Variants in EVI5 observed in about 807,000 individuals in gnomAD.
EVI5 encodes the protein ecotropic viral integration site 5 protein homolog.
Under a neutral mutation model 112.0 loss-of-function variants are expected in EVI5, and 73 were observed. The observed-to-expected ratio is 0.65, with a 90% CI of 0.54 to 0.79. The LOEUF (loss-of-function observed/expected upper bound fraction) is 0.79. EVI5 is among the 30% of genes least tolerant of loss of function. The pLI is 0.00. For synonymous variants in EVI5, 305 were observed against 319.9 expected (o/e 0.95, Z 0.50); for missense variants, 900 against 968.8 (o/e 0.93, Z 0.94).
intron 1 of EVI5, among the ~76,000 whole-genome samples, chr1:92,745,336 C>T (rs912119487): frequency 1.3e-5 from 2 of 152,106 alleles, no homozygotes; most frequent in African/African-American, 4.8e-5. Flanking sequence ...TGTCATGTTT[C>T]TCTTCACTTC....
chr1:92,724,158 A>AC (rs1224121835), intron 2 of EVI5, among the ~76,000 whole-genome samples: 1 of 150,760 alleles, frequency 6.6e-6, no homozygotes. Flanking sequence ...TCCCTGTTCC[A>AC]CCCCCTCCCC....
chr1:92,755,122 C>T (rs1680753379), intron 1 of EVI5, among the ~76,000 whole-genome samples: 1 of 129,738 alleles, frequency 7.7e-6, no homozygotes, highest in Admixed American at 9.1e-5. Context: ...AAAACTGATG[C>T]TTTGGGCCAG....
At chr1:92,675,974 A>G (rs1226114706) in intron 10 of EVI5, among the ~76,000 whole-genome samples, 1 of 151,684 alleles carries the variant, frequency 6.6e-6, no homozygotes, top group Non-Finnish European at 1.5e-5. Context: ...AAAAAAAGAA[A>G]AAGAAAAAAA....
intron 10 of EVI5, among the ~76,000 whole-genome samples, chr1:92,673,051 T>C (rs544192900): frequency 6.6e-6 from 1 of 152,274 alleles, no homozygotes; most frequent in Non-Finnish European, 1.5e-5. Context: ...AATAATGCTG[T>C]TTTAAGAATA....
At chr1:92,657,540 G>C (rs1663216646) in intron 13 of EVI5, among the ~76,000 whole-genome samples, 1 of 152,042 alleles carries the variant, frequency 6.6e-6, no homozygotes, top group Non-Finnish European at 1.5e-5. Flanking sequence ...GTGTGTGCTT[G>C]TAGTCCCAGC....
intron 1 of EVI5, among the ~76,000 whole-genome samples, chr1:92,748,486 T>G (rs1679661123): frequency 6.6e-6 from 1 of 152,202 alleles, no homozygotes; most frequent in South Asian, 2.1e-4. Flanking sequence ...ACCCACAGAA[T>G]CTAAGCACAT....
At chr1:92,660,774 A>G (rs773701141) in intron 13 of EVI5, among the ~76,000 whole-genome samples, 15 of 152,050 alleles carry the variant, frequency 9.9e-5, no homozygotes, top group Non-Finnish European at 2.1e-4. Context: ...AGGTAAAACT[A>G]TAGTGAAAGA....
rs1206346041 is a variant in EVI5, at chr1:92,737,716, TTC to T, written c.-81-1091_-81-1090del. On this transcript the variant is annotated intron_variant, in intron 1 of 19. Coordinates refer to ENST00000684568, the MANE Select transcript of EVI5 (RefSeq NM_001350197.2). The stretch of plus-strand genomic sequence containing the variant: ...CTGCCCTCAATATATACATGGCTTT[TTC>T]TCTGTCTCCACTTCCTCCACTTCAA... Among the ~76,000 whole-genome samples the T allele has an allele frequency of 2.0e-4, 31 of 152,292 alleles. 1 individual carries two copies. Among genetic ancestry groups the T allele is most frequent in the African/African-American group, 7.0e-4 (29 of 41,558 alleles).
intron 2 of EVI5, among the ~76,000 whole-genome samples, chr1:92,711,309 T>C (rs116487074): frequency 0.016 from 2,508 of 152,268 alleles, 44 homozygotes; most frequent in Non-Finnish European, 0.022. Context: ...CTGAAAACAG[T>C]TGATATTAAA....
intron 19 of EVI5, among the ~76,000 whole-genome samples, chr1:92,526,944 T>C (rs1173874575): frequency 6.6e-6 from 1 of 152,192 alleles, no homozygotes; most frequent in Non-Finnish European, 1.5e-5. Flanking sequence ...GCAGAAGGTG[T>C]TGAAGGGGCA....
At chr1:92,689,111 T>A (rs984061238) in intron 9 of EVI5, among the ~76,000 whole-genome samples, 6 of 152,068 alleles carry the variant, frequency 3.9e-5, no homozygotes, top group Admixed American at 2.0e-4. Flanking sequence ...TTATTAACAA[T>A]CAAGGAAATG....
At chr1:92,726,172 T>C (rs1675541402) in intron 2 of EVI5, among the ~76,000 whole-genome samples, 1 of 152,134 alleles carries the variant, frequency 6.6e-6, no homozygotes, top group African/African-American at 2.4e-5. Context: ...CTCCAAAATT[T>C]CCACATTTGA....
intron 18 of EVI5, among the ~76,000 whole-genome samples, chr1:92,588,859 C>T (rs1673226626): frequency 6.6e-6 from 1 of 152,144 alleles, no homozygotes; most frequent in Non-Finnish European, 1.5e-5. Context: ...TAAACTATTA[C>T]ATACAAATTA....
In EVI5 at chr1:92,790,451, C is replaced by T. The variant is rs543840840; in HGVS notation, c.51+1893G>A. Among the ~76,000 whole-genome samples the T allele has an allele frequency of 1.7e-3, 251 of 151,570 alleles. 1 individual carries two copies. The highest frequency in any genetic ancestry group is 5.4e-3 in the African/African-American group (223 of 41,296). On this transcript the variant is annotated intron_variant, in intron 1 of 17. Transcript: ENST00000370331. ...ACTCATCAGAAAGTCCTATTGGTAG[C>T]ACTATTAAAGAAAAAGGAGACATAA...
At chr1:92,528,000 AT>A (rs1223109578) in intron 19 of EVI5, among the ~76,000 whole-genome samples, 1 of 152,196 alleles carries the variant, frequency 6.6e-6, no homozygotes, top group Non-Finnish European at 1.5e-5. Context: ...AATAAAGAAG[AT>A]TTAGTAAATA....
At chr1:92,519,695 C>T (rs1325765135) in intron 19 of EVI5, among the ~76,000 whole-genome samples, 1 of 151,772 alleles carries the variant, frequency 6.6e-6, no homozygotes, top group Non-Finnish European at 1.5e-5. Flanking sequence ...TACTTCGAGA[C>T]CAGCCTGGCC....
At chr1:92,587,206 T>C (rs1672945217) in intron 18 of EVI5, among the ~76,000 whole-genome samples, 1 of 152,132 alleles carries the variant, frequency 6.6e-6, no homozygotes, top group South Asian at 2.1e-4. Context: ...GCAAGCTAGG[T>C]AAAGCAGTCT....
chr1:92,629,064 C>CA (rs918977411), intron 14 of EVI5, among the ~76,000 whole-genome samples: 11 of 152,176 alleles, frequency 7.2e-5, no homozygotes, highest in Admixed American at 1.3e-4. Flanking sequence ...ATCAAATATT[C>CA]AAAATCTTTC....
chr1:92,549,385 T>C lies in EVI5; in HGVS notation c.2166+14257A>G, dbSNP rs1398792106. On this transcript the variant is annotated intron_variant, in intron 19 of 19. Coordinates refer to ENST00000684568, the MANE Select transcript of EVI5 (RefSeq NM_001350197.2). ...AAGACTTAAATGTTAGACCTAAAACTATAAAAACCCTAGAAGAAAACCTAG... is the reference window on the plus strand; with the variant it reads ...AAGACTTAAATGTTAGACCTAAAACCATAAAAACCCTAGAAGAAAACCTAG... 3.9e-5 allele frequency among the ~76,000 whole-genome samples: 6 copies of C among 152,098 alleles called. No individual in the cohort carries two copies. The South Asian group carries it at 8.3e-4, about 21-fold the overall frequency.
Sources: gnomAD v4.1 joint callset for allele counts (sites outside exome capture counted in the v4.1 genomes callset) on GRCh38, gnomAD v4.1.1 for gene constraint, MANE v1.5 for transcripts, NCBI Gene and HGNC (gene_info 2026-07-23, HGNC 2026-07-21) for gene names.